The following ZNF678 variants were observed in gnomAD, a reference collection of about 807,000 sequenced individuals.
ZNF678 encodes hypothetical protein MGC42493.
A neutral mutation model predicts 3.0 loss-of-function variants in ZNF678; 5 were observed. The ratio of observed to expected loss-of-function variants is 1.69; its 90% CI spans 0.88 to 3.56. The LOEUF (loss-of-function observed/expected upper bound fraction) is 3.56, where lower values mean the gene tolerates loss of function less well. Among genes scored for constraint, ZNF678 ranks in the 30% most tolerant of loss-of-function variants. ZNF678 has a pLI of 0.00. For synonymous variants in ZNF678, 218 were observed against 199.6 expected (o/e 1.09, Z -0.78); for missense variants, 593 against 605.0 (o/e 0.98, Z 0.21).
At chr1:227,599,173 T>G in intron 1 of ZNF678, 1 of 1,198,244 alleles carries the variant, frequency 8.3e-7, no homozygotes, top group East Asian at 2.4e-5. Context: ...ATCATTTTCT[T>G]GTTCAAATAA....
chr1:227,630,368 T>G (rs1406983886), intron 1 of ZNF678, among the ~76,000 whole-genome samples: 1 of 152,216 alleles, frequency 6.6e-6, no homozygotes, highest in East Asian at 1.9e-4. Context: ...GGAAACTGCC[T>G]GCTGGCCTGT....
In ZNF678 at chr1:227,662,235, TA is replaced by T. The variant is rs914718404; in HGVS notation, c.*6408del. ...TGAATCCTGAAAAACATCCTCATTG[TA>T]GAGATGAGAAAACACAGGCTTTTGC... is the stretch of plus-strand genomic sequence containing the variant. On this transcript the variant is annotated 3_prime_UTR_variant, in exon 4 of 4. Transcript: ENST00000343776. The T allele has an allele frequency of 6.6e-6, 1 of 152,192 alleles. No individual in the cohort carries two copies. Among genetic ancestry groups the T allele is most frequent in the African/African-American group, 2.4e-5 (1 of 41,442 alleles). 9.4% of individuals were successfully genotyped at this position (152,192 alleles called of 1,614,324 possible).
At chr1:227,610,241 C>A (rs1480093187) in intron 1 of ZNF678, among the ~76,000 whole-genome samples, 1 of 152,168 alleles carries the variant, frequency 6.6e-6, no homozygotes, top group East Asian at 1.9e-4. Context: ...TTTCCAGCCC[C>A]TATCATCACT....
At chr1:227,664,575 G>C (rs1477373724), downstream of ZNF678, among the ~76,000 whole-genome samples, 2 of 152,134 alleles carry the variant, frequency 1.3e-5, no homozygotes, top group Non-Finnish European at 2.9e-5. Flanking sequence ...GCCAATGCCT[G>C]CATTGTTGGA....
chr1:227,647,337 G>T (rs909284993), intron 2 of ZNF678, among the ~76,000 whole-genome samples: 1 of 152,138 alleles, frequency 6.6e-6, no homozygotes, highest in African/African-American at 2.4e-5. Flanking sequence ...TAGTATTTTT[G>T]GATTAATTTT....
intron 2 of ZNF678, 119 bp downstream of exon 2, chr1:227,646,789 C>T (rs774756967): frequency 4.3e-4 from 389 of 906,010 alleles, no homozygotes; most frequent in Non-Finnish European, 5.8e-4. Flanking sequence ...ATCTCTGCTT[C>T]TAAGGAAAAC....
chr1:227,622,411 T>C (rs1203939104), intron 1 of ZNF678, among the ~76,000 whole-genome samples: 1 of 152,226 alleles, frequency 6.6e-6, no homozygotes, highest in Non-Finnish European at 1.5e-5. Flanking sequence ...ATTCATTCTC[T>C]TTAAAATGTA....
chr1:227,575,922 A>G (rs548563684), intron 1 of ZNF678, among the ~76,000 whole-genome samples: 11 of 152,270 alleles, frequency 7.2e-5, no homozygotes, highest in South Asian at 2.1e-4. Context: ...TGTTCCTTCA[A>G]TATCTAGTTT....
At position 227,617,861 on chromosome 1, in the gene ZNF678, C is replaced by T. The variant is rs534618641; in HGVS notation, c.-163-28683C>T. 2.6e-5 allele frequency among the ~76,000 whole-genome samples: 4 copies of T among 152,282 alleles called. No homozygotes were observed. In the East Asian group the frequency reaches 5.8e-4, roughly 22 times the overall value. On this transcript the variant is annotated intron_variant, in intron 1 of 3. Transcript: ENST00000343776. The stretch of plus-strand genomic sequence containing the variant: ...TCCCAGCAGGGGACGGTTTAAATCA[C>T]GTGGCTAGGATGACCCATTTTGTGG...
intron 1 of ZNF678, among the ~76,000 whole-genome samples, chr1:227,565,184 G>T (rs554942559): frequency 4.6e-4 from 70 of 151,764 alleles, no homozygotes; most frequent in African/African-American, 1.5e-3. Context: ...TCCTGCCTCA[G>T]CATCCCAAGT....
Position 227,660,514 on chromosome 1 carries a change from A to C in ZNF678, c.*4686A>C, listed in dbSNP as rs1338447202. On this transcript the variant is annotated 3_prime_UTR_variant, in exon 4 of 4. Coordinates refer to ENST00000343776, the MANE Select transcript of ZNF678 (RefSeq NM_001367909.1). The stretch of plus-strand genomic sequence containing the variant: ...ATTGCAGGTGTCAATTGTTTTCTTT[A>C]TTTCTTTTTCAGATAGTTTGTTGTT... The C allele has an allele frequency of 6.6e-6, 1 of 151,828 alleles. No individual in the cohort carries two copies. Among genetic ancestry groups the C allele is most frequent in the African/African-American group, 2.4e-5 (1 of 41,352 alleles). The allele number at this position is 151,828 out of a possible 1,614,324, so 9.4% of individuals were successfully genotyped here.
chr1:227,663,643 A>G (rs1173095978), downstream of ZNF678, among the ~76,000 whole-genome samples: 1 of 152,246 alleles, frequency 6.6e-6, no homozygotes, highest in Admixed American at 6.5e-5. Flanking sequence ...AAAGATACTC[A>G]GGGCCTAGTG....
intron 1 of ZNF678, among the ~76,000 whole-genome samples, chr1:227,639,494 T>C (rs556393752): frequency 4.6e-5 from 7 of 152,332 alleles, no homozygotes; most frequent in Admixed American, 1.3e-4. Context: ...AGGTTTAAAA[T>C]AGTGGTTCCT....
At chr1:227,604,387 C>G (rs1366689280) in intron 1 of ZNF678, among the ~76,000 whole-genome samples, 1 of 152,138 alleles carries the variant, frequency 6.6e-6, no homozygotes. Flanking sequence ...GGATATCTCC[C>G]TGAGGGTTAT....
chr1:227,604,117 A>T (rs1657805912), intron 1 of ZNF678, among the ~76,000 whole-genome samples: 1 of 152,120 alleles, frequency 6.6e-6, no homozygotes, highest in South Asian at 2.1e-4. Flanking sequence ...TCCATTTTTC[A>T]TATTTGGTTA....
intron 1 of ZNF678, among the ~76,000 whole-genome samples, chr1:227,611,405 A>G (rs1451484919): frequency 6.6e-6 from 1 of 152,232 alleles, no homozygotes; most frequent in East Asian, 1.9e-4. Context: ...CTTCACAATC[A>G]GCCTCCCTCA....
chr1:227,602,697 G>A (rs939547594), intron 1 of ZNF678, among the ~76,000 whole-genome samples: 1 of 152,200 alleles, frequency 6.6e-6, no homozygotes, highest in African/African-American at 2.4e-5. Context: ...TGGGCTCTAA[G>A]CATCCTTCCT....
intron 1 of ZNF678, among the ~76,000 whole-genome samples, chr1:227,578,168 A>AT (rs754228094): frequency 5.9e-5 from 9 of 151,950 alleles, no homozygotes; most frequent in East Asian, 3.9e-4. Flanking sequence ...TGTCTTTAAC[A>AT]TTTTTCCTTT....
chr1:227,607,824 ATATT>A (rs1342619276), intron 1 of ZNF678, among the ~76,000 whole-genome samples: 6 of 148,278 alleles, frequency 4.0e-5, no homozygotes, highest in African/African-American at 1.5e-4. Context: ...ATTCAAATAT[ATATT>A]TAGTTATATA....
Sources: allele counts gnomAD v4.1 joint callset (sites outside exome capture counted in the v4.1 genomes callset), GRCh38; gene constraint gnomAD v4.1.1; transcripts MANE v1.5; gene names NCBI Gene and HGNC (gene_info 2026-07-23, HGNC 2026-07-21).